The following PALM2AKAP2 variants were observed in gnomAD, a reference collection of about 807,000 sequenced individuals.
PALM2AKAP2 encodes PALM2-AKAP2 fusion protein.
A neutral mutation model predicts 71.5 loss-of-function variants in PALM2AKAP2; 37 were observed. The observed-to-expected ratio is 0.52, with a 90% CI of 0.40 to 0.68. PALM2AKAP2 has a LOEUF of 0.68. PALM2AKAP2 is among the 30% of genes least tolerant of loss of function. The pLI, the probability that PALM2AKAP2 is intolerant of heterozygous loss-of-function variation, is 0.00. For synonymous variants in PALM2AKAP2, 468 were observed against 478.8 expected, an observed-to-expected ratio of 0.98 and a Z score of 0.29; for missense variants, 1,224 against 1,191.8, an observed-to-expected ratio of 1.03 and a Z score of -0.40.
At position 110,052,620 on chromosome 9, in the gene PALM2AKAP2, C is replaced by A. The variant is rs78969175; in HGVS notation, c.156+3765C>A. ...ATTAGAGTATTAAAGAAATGGGGTA[C>A]TTCAAGTAACATAACACCTGATATT... On this transcript the variant is annotated intron_variant, in intron 1 of 3. Coordinates refer to ENST00000374525, the Ensembl canonical transcript of PALM2AKAP2. 4.4e-3 allele frequency among the ~76,000 whole-genome samples: 664 copies of A among 152,274 alleles called. 4 individuals are homozygous for A. Among genetic ancestry groups the A allele is most frequent in the Middle Eastern group, 0.031 (9 of 294 alleles).
chr9:109,816,385 T>G (rs934475197), intron 1 of PALM2AKAP2, among the ~76,000 whole-genome samples: 4 of 152,130 alleles, frequency 2.6e-5, no homozygotes, highest in Non-Finnish European at 5.9e-5. Context: ...TATGATGGAC[T>G]GGGATAAGAT....
intron 7 of PALM2AKAP2, among the ~76,000 whole-genome samples, chr9:110,018,357 C>G (rs936562010): frequency 6.6e-6 from 1 of 152,046 alleles, no homozygotes; most frequent in East Asian, 1.9e-4. Context: ...GAGGCAGAGT[C>G]TTGCTCTGTC....
chr9:109,800,006 G>A (rs187400044), intron 1 of PALM2AKAP2, among the ~76,000 whole-genome samples: 9 of 152,238 alleles, frequency 5.9e-5, no homozygotes, highest in Admixed American at 5.9e-4. Flanking sequence ...TATTTTTAGG[G>A]AAAGCTAAGA....
chr9:109,726,106 C>T (rs1262319278), intron 1 of PALM2AKAP2, among the ~76,000 whole-genome samples: 1 of 152,170 alleles, frequency 6.6e-6, no homozygotes, highest in East Asian at 1.9e-4. Context: ...ATTTATTTTT[C>T]TTAGGGGAAC....
At chr9:109,758,250 C>A (rs1353457062) in intron 1 of PALM2AKAP2, among the ~76,000 whole-genome samples, 2 of 152,104 alleles carry the variant, frequency 1.3e-5, no homozygotes, top group Non-Finnish European at 2.9e-5. Flanking sequence ...TGATATACAA[C>A]AACTCTTTTA....
At chr9:110,030,377 G>C (rs58137784) in intron 7 of PALM2AKAP2, among the ~76,000 whole-genome samples, 3,566 of 152,284 alleles carry the variant, frequency 0.023, 155 homozygotes, top group African/African-American at 0.081. Context: ...GCAACTCAAG[G>C]AAGAGACCAG....
intron 3 of PALM2AKAP2, among the ~76,000 whole-genome samples, chr9:109,905,406 C>G (rs1299738463): frequency 6.6e-6 from 1 of 152,206 alleles, no homozygotes; most frequent in Non-Finnish European, 1.5e-5. Context: ...CAGAAAAGGG[C>G]CCCAAAGGCC....
intron 1 of PALM2AKAP2, among the ~76,000 whole-genome samples, chr9:109,722,140 T>C (rs1353162185): frequency 1.3e-5 from 2 of 152,202 alleles, no homozygotes; most frequent in Non-Finnish European, 2.9e-5. Context: ...GTCCATTTAT[T>C]GGGGACTGTT....
intron 1 of PALM2AKAP2, among the ~76,000 whole-genome samples, chr9:110,127,284 G>T (rs911290280): frequency 1.3e-5 from 2 of 152,120 alleles, no homozygotes; most frequent in Admixed American, 1.3e-4. Flanking sequence ...CCCTTTTAAG[G>T]CCCACAGCAT....
At chr9:109,873,866 G>C (rs1363028020) in intron 2 of PALM2AKAP2, among the ~76,000 whole-genome samples, 2 of 152,108 alleles carry the variant, frequency 1.3e-5, no homozygotes, top group Non-Finnish European at 2.9e-5. Context: ...TCTAGGCTGG[G>C]CACAGTGGTT....
At chr9:110,051,964 G>A (rs773990995) in intron 1 of PALM2AKAP2, among the ~76,000 whole-genome samples, 13 of 151,168 alleles carry the variant, frequency 8.6e-5, no homozygotes, top group Non-Finnish European at 1.6e-4. Flanking sequence ...ATGCAGTGGC[G>A]CGATCTCGGC....
intron 1 of PALM2AKAP2, among the ~76,000 whole-genome samples, chr9:110,096,926 CT>C (rs1834855320): frequency 7.4e-6 from 1 of 136,022 alleles, no homozygotes; most frequent in South Asian, 2.5e-4. Flanking sequence ...ACAGAATTTT[CT>C]TTTTATTTAT....
chr9:109,743,434 G>A (rs1304491741), intron 1 of PALM2AKAP2, among the ~76,000 whole-genome samples: 1 of 152,188 alleles, frequency 6.6e-6, no homozygotes, highest in East Asian at 1.9e-4. Flanking sequence ...GCAAACACCT[G>A]TTCTGCAGCT....
chr9:110,009,587 G>T (rs928282033), intron 6 of PALM2AKAP2, among the ~76,000 whole-genome samples: 2 of 151,828 alleles, frequency 1.3e-5, no homozygotes, highest in South Asian at 2.1e-4. Flanking sequence ...GGTAGCGGGC[G>T]CCTGTAGTCC....
At chr9:109,939,182 A>G (rs1015863577) in intron 6 of PALM2AKAP2, among the ~76,000 whole-genome samples, 1 of 152,174 alleles carries the variant, frequency 6.6e-6, no homozygotes, top group African/African-American at 2.4e-5. Context: ...TGCATATTTC[A>G]TACAGTTTTT....
chr9:109,857,242 C>A (rs1042018741), intron 1 of PALM2AKAP2, among the ~76,000 whole-genome samples: 4 of 152,224 alleles, frequency 2.6e-5, no homozygotes, highest in African/African-American at 9.6e-5. Context: ...AAATTGAGAA[C>A]CTTCCCAACT....
intron 6 of PALM2AKAP2, among the ~76,000 whole-genome samples, chr9:110,006,912 A>G (rs74778850): frequency 0.14 from 21,929 of 151,832 alleles, 2,387 homozygotes; most frequent in African/African-American, 0.31. Flanking sequence ...TCCTCAACCC[A>G]GGGTTTATTC....
At chr9:109,867,272 G>C (rs1224119256) in intron 1 of PALM2AKAP2, 2 of 490,250 alleles carry the variant, frequency 4.1e-6, no homozygotes, top group African/African-American at 4.0e-5. Flanking sequence ...TGAGTGAGGA[G>C]AATTTCTCCC....
At chr9:109,875,835 C>A (rs1055989926) in intron 2 of PALM2AKAP2, among the ~76,000 whole-genome samples, 1 of 152,216 alleles carries the variant, frequency 6.6e-6, no homozygotes, top group African/African-American at 2.4e-5. Context: ...CTGGCCAGGC[C>A]AGTAGAGCCA....
Sources: allele counts gnomAD v4.1 joint callset (sites outside exome capture counted in the v4.1 genomes callset), GRCh38; gene constraint gnomAD v4.1.1; transcripts MANE v1.5; gene names NCBI Gene and HGNC (gene_info 2026-07-23, HGNC 2026-07-21).